Variants in XKR4 observed in about 807,000 individuals in gnomAD.
XKR4 encodes XK-related protein 4.
Under a neutral mutation model 53.9 loss-of-function variants are expected in XKR4, and 12 were observed. The observed-to-expected ratio is 0.22, with a 90% confidence interval of 0.14 to 0.36. The LOEUF (loss-of-function observed/expected upper bound fraction) is 0.36. XKR4 is among the 10% of genes least tolerant of loss of function. The pLI is 1.00. For missense variants in XKR4, 799 were observed against 859.5 expected, an observed-to-expected ratio of 0.93 and a Z score of 0.88; for synonymous variants, 354 against 362.4, an observed-to-expected ratio of 0.98 and a Z score of 0.26.
intron 2 of XKR4, chr8:55,454,540 C>A (rs1272047646): frequency 9.2e-6 from 13 of 1,415,768 alleles, no homozygotes; most frequent in Non-Finnish European, 1.3e-5. Context: ...GGCCACGCTG[C>A]AGCTGCTGAT....
intron 2 of XKR4, among the ~76,000 whole-genome samples, chr8:55,359,448 T>C (rs1337696480): frequency 6.6e-6 from 1 of 152,206 alleles, no homozygotes; most frequent in Non-Finnish European, 1.5e-5. Flanking sequence ...GGTATATGTT[T>C]TAGGAAATGA....
At chr8:55,315,297 G>A (rs188306315) in intron 1 of XKR4, among the ~76,000 whole-genome samples, 22 of 152,304 alleles carry the variant, frequency 1.4e-4, no homozygotes, top group Admixed American at 1.1e-3. Context: ...GGAGTCCAGC[G>A]GTTCCAGGGG....
chr8:55,496,824 A>G lies in XKR4; in HGVS notation c.1007-26457A>G, dbSNP rs1045678772. Among the ~76,000 whole-genome samples, 6 of 152,256 alleles carry G rather than the reference A, an allele frequency of 3.9e-5. No individual in the cohort carries two copies. The East Asian group carries it at 1.2e-3, about 29-fold the overall frequency. On this transcript the variant is annotated intron_variant, in intron 2 of 2. Transcript: ENST00000327381. ...TTTCTCAAATATTTGACATATTTTC[A>G]TAAATTATAATCCCATCATTAGAAA...
chr8:55,102,447 G>C lies in XKR4; in HGVS notation c.-42G>C. 6.6e-7 allele frequency: 1 copy of C among 1,524,640 alleles called. No homozygotes were observed. 94.4% of individuals were successfully genotyped at this position (1,524,640 alleles called of 1,614,324 possible). Reference sequence around the variant, plus strand: ...GCGGGAGGAGGAGACAGCGGGGAAAGGTGTCAGATAAAGGAGGGCTCTCCT... The same window carrying C: ...GCGGGAGGAGGAGACAGCGGGGAAACGTGTCAGATAAAGGAGGGCTCTCCT... On this transcript the variant is annotated 5_prime_UTR_variant, in exon 1 of 3. Transcript: ENST00000327381. This position sits in a 1 kb window ranked among gnomAD's most constrained non-coding sequence, Gnocchi z 5.1.
rs77073107 is a variant in XKR4, at chr8:55,155,648, A to G, written c.806+52354A>G. 8.5e-3 allele frequency among the ~76,000 whole-genome samples: 1,285 copies of G among 151,868 alleles called. 23 individuals are homozygous for G. The highest frequency in any genetic ancestry group is 0.052 in the East Asian group (267 of 5,162). On this transcript the variant is annotated intron_variant, in intron 1 of 2. Coordinates refer to ENST00000327381, the MANE Select transcript of XKR4 (RefSeq NM_052898.2). ...AAAGGCATTAAGAGAGAGAGAGAGA[A>G]AAAAAAATCTAAAGTTCTAAATTAA...
At chr8:55,458,264 G>C (rs1331128211) in intron 2 of XKR4, among the ~76,000 whole-genome samples, 7 of 152,230 alleles carry the variant, frequency 4.6e-5, no homozygotes, top group Non-Finnish European at 1.0e-4. Context: ...TTGTGAAGGG[G>C]TTGGCTTGTT....
At chr8:55,167,138 TG>T (rs1292033901) in intron 1 of XKR4, among the ~76,000 whole-genome samples, 1 of 152,136 alleles carries the variant, frequency 6.6e-6, no homozygotes, top group African/African-American at 2.4e-5. Context: ...ACAGTTGAAT[TG>T]GGATGATGCC....
chr8:55,424,899 C>T (rs567611803), intron 2 of XKR4, among the ~76,000 whole-genome samples: 5 of 152,322 alleles, frequency 3.3e-5, no homozygotes, highest in African/African-American at 1.2e-4. Flanking sequence ...TTCCCCTTGG[C>T]CTCTGGCATA....
intron 1 of XKR4, among the ~76,000 whole-genome samples, chr8:55,321,886 G>A (rs1049334920): frequency 3.9e-5 from 6 of 152,210 alleles, no homozygotes; most frequent in African/African-American, 1.2e-4. Flanking sequence ...CTACTTGAGA[G>A]GCTGAGGCAG....
At chr8:55,152,011 G>A (rs965461) in intron 1 of XKR4, among the ~76,000 whole-genome samples, 54,675 of 151,892 alleles carry the variant, frequency 0.36, 11,142 homozygotes, top group African/African-American at 0.57. Context: ...GACAATATGA[G>A]GATTTTTAAG....
At chr8:55,249,765 T>G (rs907164240) in intron 1 of XKR4, among the ~76,000 whole-genome samples, 4 of 152,242 alleles carry the variant, frequency 2.6e-5, no homozygotes, top group African/African-American at 2.4e-5. Flanking sequence ...AGAGTCTTAT[T>G]TAGGATTGTC....
chr8:55,429,421 A>C (rs188007657), intron 2 of XKR4, among the ~76,000 whole-genome samples: 1 of 152,294 alleles, frequency 6.6e-6, no homozygotes, highest in Non-Finnish European at 1.5e-5. Context: ...AAGAAAAGAA[A>C]TATTGAGGTC....
chr8:55,497,635 C>T (rs1054111224), intron 2 of XKR4, among the ~76,000 whole-genome samples: 1 of 152,188 alleles, frequency 6.6e-6, no homozygotes, highest in African/African-American at 2.4e-5. Context: ...TGTTCACACC[C>T]CACATTCAAT....
intron 1 of XKR4, among the ~76,000 whole-genome samples, chr8:55,163,249 A>C (rs1016585441): frequency 2.6e-5 from 4 of 152,192 alleles, no homozygotes; most frequent in Admixed American, 6.5e-5. Context: ...GAAGGCTTTT[A>C]CTTATTATTA....
chr8:55,350,369 C>T (rs1488629139), intron 1 of XKR4, among the ~76,000 whole-genome samples: 1 of 152,132 alleles, frequency 6.6e-6, no homozygotes, highest in African/African-American at 2.4e-5. Flanking sequence ...AGAATATTTT[C>T]CTGTGTCATT....
intron 1 of XKR4, among the ~76,000 whole-genome samples, chr8:55,324,077 G>A (rs1021663921): frequency 3.9e-5 from 6 of 151,960 alleles, no homozygotes; most frequent in African/African-American, 1.5e-4. Flanking sequence ...TAACATCTGG[G>A]TTATCTTAGG....
intron 2 of XKR4, among the ~76,000 whole-genome samples, chr8:55,514,132 TCA>T (rs975157091): frequency 8.5e-5 from 13 of 152,256 alleles, no homozygotes; most frequent in Admixed American, 3.9e-4. Flanking sequence ...TCTCTAATCC[TCA>T]GTTTTTTCAT....
chr8:55,376,631 T>C (rs1334392802), intron 2 of XKR4, among the ~76,000 whole-genome samples: 1 of 152,182 alleles, frequency 6.6e-6, no homozygotes, highest in Non-Finnish European at 1.5e-5. Flanking sequence ...TATTAGACTT[T>C]TGTCAGATGG....
rs143260916 is a variant in XKR4, at chr8:55,276,039, G to A, written c.807-81639G>A. On this transcript the variant is annotated intron_variant, in intron 1 of 2. Transcript: ENST00000327381. ...ACTCTTCCAAATCTTTCTTAACAGC[G>A]CTTCAAATAGTGTGATTGTTAAGGC... 2.4e-4 allele frequency among the ~76,000 whole-genome samples: 37 copies of A among 152,280 alleles called. 1 individual carries two copies. The South Asian group carries it at 3.9e-3, about 16-fold the overall frequency.
Sources: gnomAD v4.1 joint callset for allele counts (sites outside exome capture counted in the v4.1 genomes callset) on GRCh38, gnomAD v4.1.1 for gene constraint, Gnocchi (gnomAD v3.1) non-coding constraint, MANE v1.5 for transcripts, NCBI Gene and HGNC (gene_info 2026-07-23, HGNC 2026-07-21) for gene names.